ERC2: variants seen among roughly 807,000 people sequenced by gnomAD.
ERC2 encodes the protein ELKS/RAB6-interacting/CAST family member 2, also known as ERC protein 2.
Under a neutral mutation model 114.8 loss-of-function variants are expected in ERC2, and 42 were observed. The observed-to-expected ratio is 0.37, with a 90% CI of 0.29 to 0.47. The LOEUF (loss-of-function observed/expected upper bound fraction) is 0.47. Among genes scored for constraint, ERC2 ranks in the 20% least tolerant of loss-of-function variants. The pLI, the probability that ERC2 is intolerant of heterozygous loss-of-function variation, is 0.99. For missense variants in ERC2, 939 were observed against 1,150.7 expected, an observed-to-expected ratio of 0.82 and a Z score of 2.66; for synonymous variants, 454 against 425.5, an observed-to-expected ratio of 1.07 and a Z score of -0.82.
chr3:55,888,681 A>G (rs747784317), intron 13 of ERC2, 132 bp from the exon 14 acceptor site: 11 of 1,067,986 alleles, frequency 1.0e-5, no homozygotes, highest in Non-Finnish European at 1.5e-5. Context: ...TGTGTCTTGG[A>G]GCCCTTTCTT....
intron 3 of ERC2, among the ~76,000 whole-genome samples, chr3:56,204,955 T>TA (rs2150106705): frequency 6.6e-6 from 1 of 150,890 alleles, no homozygotes; most frequent in Admixed American, 6.6e-5. Context: ...TGTGTGTGTA[T>TA]GTCTGTCTGT....
chr3:55,837,670 G>A (rs956500427), intron 14 of ERC2, among the ~76,000 whole-genome samples: 2 of 151,734 alleles, frequency 1.3e-5, no homozygotes, highest in African/African-American at 4.8e-5. Context: ...GAGTTAATGG[G>A]TACAGCACAC....
intron 14 of ERC2, among the ~76,000 whole-genome samples, chr3:55,866,563 G>A (rs1289873226): frequency 6.6e-6 from 1 of 152,044 alleles, no homozygotes; most frequent in African/African-American, 2.4e-5. Flanking sequence ...CAAGATTTAT[G>A]CTGATGCTTT....
chr3:56,229,530 T>C (rs1172721489), intron 3 of ERC2, among the ~76,000 whole-genome samples: 1 of 152,166 alleles, frequency 6.6e-6, no homozygotes, highest in Admixed American at 6.5e-5. Flanking sequence ...GATATGATAC[T>C]TAAGTACAAA....
chr3:56,348,561 A>G (rs930938537), intron 2 of ERC2, among the ~76,000 whole-genome samples: 6 of 149,776 alleles, frequency 4.0e-5, no homozygotes, highest in Admixed American at 6.7e-5. Context: ...TTTATAAATT[A>G]AATATATACA....
At chr3:55,954,031 T>C (rs7643992) in intron 12 of ERC2, among the ~76,000 whole-genome samples, 19,625 of 127,726 alleles carry the variant, frequency 0.15, 1,934 homozygotes, top group East Asian at 0.31. Flanking sequence ...CTTTTCCAAA[T>C]CCCCATCCAC....
chr3:55,775,000 A>C (rs1276306770), intron 14 of ERC2, among the ~76,000 whole-genome samples: 1 of 152,166 alleles, frequency 6.6e-6, no homozygotes, highest in Non-Finnish European at 1.5e-5. Context: ...CTAAAGAACA[A>C]ATTTTAATTC....
intron 17 of ERC2, among the ~76,000 whole-genome samples, chr3:55,583,601 G>T (rs2057433982): frequency 2.1e-5 from 3 of 143,276 alleles, no homozygotes; most frequent in African/African-American, 8.0e-5. Context: ...TCCTAGAAAG[G>T]CAAGGATGCA....
intron 6 of ERC2, among the ~76,000 whole-genome samples, chr3:56,082,556 A>T (rs2077294304): frequency 6.6e-6 from 1 of 152,198 alleles, no homozygotes; most frequent in Non-Finnish European, 1.5e-5. Context: ...ACTTGATTGT[A>T]TGTCAAAGCC....
chr3:55,891,437 A>AT (rs869073962), intron 13 of ERC2, among the ~76,000 whole-genome samples: 5,985 of 86,874 alleles, frequency 0.069, 1,137 homozygotes, highest in East Asian at 0.2. Context: ...GTCTGGTTCT[A>AT]TTTTTTTTTT....
intron 17 of ERC2, among the ~76,000 whole-genome samples, chr3:55,661,311 TCA>T: frequency 6.6e-6 from 1 of 152,300 alleles, no homozygotes; most frequent in South Asian, 2.1e-4. Context: ...CTCATTCAGG[TCA>T]CTGGCAGAAT....
chr3:56,252,757 C>CAAAAAAAAAAAAAAAAAA (rs71099628), intron 3 of ERC2, among the ~76,000 whole-genome samples: 8 of 74,156 alleles, frequency 1.1e-4, no homozygotes, highest in African/African-American at 4.6e-4. Context: ...AACTCTGTCT[C>CAAAAAAAAAAAAAAAAAA]AAAAAAAAAA....
chr3:55,842,898 G>C (rs913832592), intron 14 of ERC2, among the ~76,000 whole-genome samples: 2 of 152,052 alleles, frequency 1.3e-5, no homozygotes, highest in African/African-American at 4.8e-5. Flanking sequence ...AAGGAAAGCA[G>C]GTAAGAAGGA....
At chr3:55,639,478 C>A (rs1370022896) in intron 17 of ERC2, among the ~76,000 whole-genome samples, 1 of 151,976 alleles carries the variant, frequency 6.6e-6, no homozygotes, top group East Asian at 1.9e-4. Context: ...AAAGTATAGG[C>A]TGGAGACAAA....
intron 7 of ERC2, among the ~76,000 whole-genome samples, chr3:56,043,762 G>A (rs2075320657): frequency 6.6e-6 from 1 of 151,978 alleles, no homozygotes; most frequent in South Asian, 2.1e-4. Flanking sequence ...TTTCATGGTT[G>A]CTTTGTTACT....
intron 17 of ERC2, among the ~76,000 whole-genome samples, chr3:55,641,199 T>G (rs2060166003): frequency 6.6e-6 from 1 of 152,188 alleles, no homozygotes; most frequent in Non-Finnish European, 1.5e-5. Context: ...TGCCATTGTT[T>G]TTAGCCCCTA....
intron 17 of ERC2, among the ~76,000 whole-genome samples, chr3:55,523,275 C>A (rs1392566533): frequency 2.6e-5 from 4 of 152,208 alleles, no homozygotes; most frequent in Non-Finnish European, 5.9e-5. Context: ...TGCTTGGGAG[C>A]TAGTCCCTTG....
intron 3 of ERC2, among the ~76,000 whole-genome samples, chr3:56,286,200 G>A (rs2054691612): frequency 6.6e-6 from 1 of 152,046 alleles, no homozygotes; most frequent in Non-Finnish European, 1.5e-5. Context: ...GATCACTTAA[G>A]GTCGGGAGTT....
intron 14 of ERC2, among the ~76,000 whole-genome samples, chr3:55,743,806 C>T (rs2066135519): frequency 1.3e-5 from 2 of 151,994 alleles, no homozygotes; most frequent in South Asian, 4.1e-4. Flanking sequence ...GACTGTGGCC[C>T]TGGGTAAGTT....
Sources: allele counts gnomAD v4.1 joint callset (sites outside exome capture counted in the v4.1 genomes callset), GRCh38; gene constraint gnomAD v4.1.1; transcripts MANE v1.5; gene names NCBI Gene and HGNC (gene_info 2026-07-23, HGNC 2026-07-21).